RBM17: variants seen among roughly 807,000 people sequenced by gnomAD.
The protein encoded by RBM17 is RNA binding motif protein 17, also known as splicing factor 45.
Under a neutral mutation model 53.2 loss-of-function variants are expected in RBM17, and 7 were observed. The ratio of observed to expected loss-of-function variants is 0.13; its 90% CI spans 0.07 to 0.25. The LOEUF is 0.25. Ranked by LOEUF, RBM17 falls within the 10% of genes least tolerant of loss-of-function variation. The pLI is 1.00. For synonymous variants in RBM17, 167 were observed against 178.1 expected (o/e 0.94, Z 0.50); for missense variants, 257 against 496.7 (o/e 0.52, Z 4.59).
chr10:6,103,445 C>T (rs1325294563), intron 3 of RBM17, among the ~76,000 whole-genome samples: 2 of 152,104 alleles, frequency 1.3e-5, no homozygotes, highest in African/African-American at 4.8e-5. Context: ...TTCATATTGA[C>T]AGTTTGTTCT....
Position 6,117,087 on chromosome 10 carries a change from A to C in RBM17, c.*1531A>C, listed in dbSNP as rs1840931838. The C allele has an allele frequency of 8.5e-6, 1 of 117,348 alleles. No individual in the cohort carries two copies. Among genetic ancestry groups the C allele is most frequent in the Non-Finnish European group, 1.9e-5 (1 of 53,508 alleles). The allele number at this position is 117,348 out of a possible 1,614,324, so 7.3% of individuals were successfully genotyped here. On this transcript the variant is annotated 3_prime_UTR_variant, in exon 12 of 12. Transcript: ENST00000379888. The stretch of plus-strand genomic sequence containing the variant: ...TTTTAGAAACTAATGGTTCCAACCC[A>C]CCTTTCATGCATGCATTTATTGTTG...
At chr10:6,111,729 C>T (rs1840841275) in intron 7 of RBM17, among the ~76,000 whole-genome samples, 1 of 152,348 alleles carries the variant, frequency 6.6e-6, no homozygotes, top group South Asian at 2.1e-4. Flanking sequence ...GTTTATTTCT[C>T]ATTTGTTAAA....
chr10:6,103,008 T>C (rs1196505912), intron 3 of RBM17, among the ~76,000 whole-genome samples: 1 of 152,174 alleles, frequency 6.6e-6, no homozygotes, highest in Non-Finnish European at 1.5e-5. Context: ...CCCAGGCTAG[T>C]TTTGAACTCC....
chr10:6,108,348 C>T (rs11256801), intron 5 of RBM17: 8,104 of 311,036 alleles, frequency 0.026, 269 homozygotes, highest in African/African-American at 0.097. Flanking sequence ...GTATTGCTCT[C>T]GGTAAATAGT....
chr10:6,113,135 G>A (rs1280353532), intron 8 of RBM17: 1 of 190,432 alleles, frequency 5.3e-6, no homozygotes, highest in Non-Finnish European at 1.1e-5. Flanking sequence ...GCCGGTGGCT[G>A]GATTAGTAAC....
chr10:6,100,941 C>CT (rs1367679700), intron 2 of RBM17, among the ~76,000 whole-genome samples: 1 of 151,904 alleles, frequency 6.6e-6, no homozygotes, highest in South Asian at 2.1e-4. Context: ...CTTTTAAAAA[C>CT]TTTTTTTTGT....
rs1469249898 is a variant in RBM17 at position 6,089,810 on chromosome 10, C to G, written c.-19+617C>G. On this transcript the variant is annotated intron_variant, in intron 1 of 11. Transcript: ENST00000379888. This position sits in a 1 kb window ranked among gnomAD's most constrained non-coding sequence, Gnocchi z 5.6. ...TCTTGCCCCGAGAATGTGTAATGAT[C>G]GGAGAATGCAGGTGGAATGAGGTTC... 2 of 152,308 alleles carry G rather than the reference C, an allele frequency of 1.3e-5. No individual in the cohort carries two copies. The highest frequency in any genetic ancestry group is 6.5e-5 in the Admixed American group (1 of 15,272). 9.4% of individuals were successfully genotyped at this position (152,308 alleles called of 1,614,324 possible). A position where few individuals can be genotyped will look rare whatever the true frequency, so the allele number is the denominator to read the frequency against.
chr10:6,108,613 T>C lies in RBM17; in HGVS notation c.506-73T>C, dbSNP rs1840790571. On this transcript the variant is annotated intron_variant, in intron 5 of 11. Coordinates refer to ENST00000379888, the MANE Select transcript of RBM17 (RefSeq NM_032905.5). ...TTCTTAGGGGGGTGGGTGATAGATA[T>C]ATGGTGTGTCATAGTCGTTTGGGAG... 3 of 1,210,230 alleles carry C rather than the reference T, an allele frequency of 2.5e-6. No homozygotes were observed. The South Asian group carries it at 3.7e-5, about 15-fold the overall frequency. The allele number at this position is 1,210,230 out of a possible 1,614,324, so 75.0% of individuals were successfully genotyped here.
At chr10:6,104,894 T>C (rs1271644068) in intron 3 of RBM17, 37 bp from the exon 4 acceptor site, 1 of 1,585,792 alleles carries the variant, frequency 6.3e-7, no homozygotes, top group Admixed American at 1.7e-5. Flanking sequence ...TGGTAAGATA[T>C]AAAGAGGATT....
intron 1 of RBM17, among the ~76,000 whole-genome samples, chr10:6,092,152 T>C (rs900215236): frequency 6.6e-6 from 1 of 152,230 alleles, no homozygotes; most frequent in East Asian, 1.9e-4. Flanking sequence ...TTTAAAGTTA[T>C]AAAAACCAGC....
chr10:6,116,273 T>C lies in RBM17; in HGVS notation c.*717T>C, dbSNP rs538679036. 1 of 152,426 alleles carries C rather than the reference T, an allele frequency of 6.6e-6. No individual in the cohort carries two copies. Among genetic ancestry groups the C allele is most frequent in the Non-Finnish European group, 1.5e-5 (1 of 68,008 alleles). The allele number at this position is 152,426 out of a possible 1,614,324, so 9.4% of individuals were successfully genotyped here. A position where few individuals can be genotyped will look rare whatever the true frequency, so the allele number is the denominator to read the frequency against. ...CATAGTCTTAAGGGTAGATCAGAAA[T>C]GACAAATGAATTCAAAACCTAGCAG... is the stretch of plus-strand genomic sequence containing the variant. On this transcript the variant is annotated 3_prime_UTR_variant, in exon 12 of 12. Coordinates refer to ENST00000379888, the MANE Select transcript of RBM17 (RefSeq NM_032905.5).
At chr10:6,094,348 T>G (rs978144085) in intron 1 of RBM17, among the ~76,000 whole-genome samples, 4 of 152,194 alleles carry the variant, frequency 2.6e-5, no homozygotes, top group Admixed American at 6.5e-5. Flanking sequence ...GATTTCAGAT[T>G]TTCATACTGG....
At chr10:6,106,732 G>A (rs1024857542) in intron 5 of RBM17, among the ~76,000 whole-genome samples, 1 of 152,102 alleles carries the variant, frequency 6.6e-6, no homozygotes, top group Admixed American at 6.5e-5. Context: ...TAAATTGACT[G>A]CCCTTTTTAA....
intron 3 of RBM17, 32 bp downstream of exon 3, chr10:6,101,419 G>C (rs201387510): frequency 1.4e-6 from 2 of 1,392,412 alleles, no homozygotes; most frequent in Admixed American, 1.8e-5. Flanking sequence ...AGCTTGATAC[G>C]TGTCTCTGTT....
intron 5 of RBM17, among the ~76,000 whole-genome samples, chr10:6,107,426 C>T (rs1378079874): frequency 6.6e-6 from 1 of 150,620 alleles, no homozygotes; most frequent in Non-Finnish European, 1.5e-5. Context: ...GATCCACCCA[C>T]CTCAGCCTCC....
intron 7 of RBM17, among the ~76,000 whole-genome samples, chr10:6,111,166 T>C (rs1840830856): frequency 6.6e-6 from 1 of 152,206 alleles, no homozygotes; most frequent in South Asian, 2.1e-4. Context: ...GCAGTTCCAG[T>C]TGAAGCGGGA....
At chr10:6,096,852 G>A (rs1840584408) in intron 1 of RBM17, 196 bp from the exon 2 acceptor site, 1 of 359,918 alleles carries the variant, frequency 2.8e-6, no homozygotes, top group Non-Finnish European at 5.1e-6. Context: ...GAATTTTAGA[G>A]GCTTATTTTA....
intron 1 of RBM17, among the ~76,000 whole-genome samples, chr10:6,096,465 A>G (rs974829507): frequency 1.3e-5 from 2 of 152,192 alleles, no homozygotes; most frequent in Non-Finnish European, 2.9e-5. Context: ...TCTCTTTGTA[A>G]TCACTATCAT....
At position 6,112,219 on chromosome 10, in the gene RBM17, G is replaced by T; in HGVS notation, c.714G>T (p.Val238=). The change falls in exon 8 of 12, where the codon GTG becomes GTT. Residue 238 remains valine (V), a synonymous_variant. Coordinates refer to ENST00000379888, the MANE Select transcript of RBM17 (RefSeq NM_032905.5). The surrounding 1 kb of genome is among the most constrained non-coding windows in gnomAD (Gnocchi z 4.4). ...NSFLANMGGT[V]AHKIMQKYGF... Reference sequence around the variant, plus strand: ...CTTCTTCTCCTGCCAGGGGCACGGTGGCGCACAAGATCATGCAGAAGTACG... The same window carrying T: ...CTTCTTCTCCTGCCAGGGGCACGGTTGCGCACAAGATCATGCAGAAGTACG... 1 of 1,612,326 alleles carries T rather than the reference G, an allele frequency of 6.2e-7. No individual in the cohort carries two copies. The highest frequency in any genetic ancestry group is 1.3e-5 in the African/African-American group (1 of 75,028).
Sources: allele counts gnomAD v4.1 joint callset (sites outside exome capture counted in the v4.1 genomes callset), GRCh38; gene constraint gnomAD v4.1.1; non-coding constraint Gnocchi (gnomAD v3.1); transcripts MANE v1.5; gene names NCBI Gene and HGNC (gene_info 2026-07-23, HGNC 2026-07-21).